HPSE2: variants seen among roughly 807,000 people sequenced by gnomAD.
HPSE2 encodes inactive heparanase-2.
HPSE2 carries 38 observed loss-of-function variants against 60.5 expected under a neutral mutation model. That is an observed-to-expected ratio of 0.63 (90% confidence interval 0.48 to 0.82). The LOEUF (loss-of-function observed/expected upper bound fraction) is 0.82, where lower values mean the gene tolerates loss of function less well. Ranked by LOEUF, HPSE2 falls within the 40% of genes least tolerant of loss-of-function variation. The probability of loss-of-function intolerance (pLI) is 0.00; values close to 1 mark genes in which losing one functional copy is unlikely to be tolerated. For missense variants in HPSE2, 713 were observed against 740.4 expected (o/e 0.96, Z 0.43); for synonymous variants, 295 against 293.2 (o/e 1.01, Z -0.06).
intron 9 of HPSE2, among the ~76,000 whole-genome samples, chr10:98,510,918 T>A (rs1942368327): frequency 6.6e-6 from 1 of 152,332 alleles, no homozygotes; most frequent in Non-Finnish European, 1.5e-5. Flanking sequence ...TTATTTTTTA[T>A]AGCTGGAGGA....
At chr10:99,130,038 A>T (rs931731204) in intron 3 of HPSE2, among the ~76,000 whole-genome samples, 1 of 152,134 alleles carries the variant, frequency 6.6e-6, no homozygotes. Context: ...CAGGACATGG[A>T]TAAATTCCTG....
intron 3 of HPSE2, among the ~76,000 whole-genome samples, chr10:99,142,200 C>A (rs1845888751): frequency 6.6e-6 from 1 of 152,168 alleles, no homozygotes; most frequent in Non-Finnish European, 1.5e-5. Flanking sequence ...CCTCACCCTC[C>A]TTACCAATAT....
At chr10:98,753,440 T>C (rs1949805867) in intron 3 of HPSE2, among the ~76,000 whole-genome samples, 1 of 152,174 alleles carries the variant, frequency 6.6e-6, no homozygotes, top group Non-Finnish European at 1.5e-5. Context: ...AAAAGGATAC[T>C]TGTACATCAA....
At chr10:98,751,463 A>G (rs1218998017) in intron 3 of HPSE2, among the ~76,000 whole-genome samples, 1 of 152,112 alleles carries the variant, frequency 6.6e-6, no homozygotes. Context: ...TAACTCTAAT[A>G]CCCCTTTGTG....
the HPSE2 span, among the ~76,000 whole-genome samples, chr10:99,262,219 A>G: frequency 2.0e-4 from 31 of 152,070 alleles, no homozygotes; most frequent in Non-Finnish European, 5.9e-5. Flanking sequence ...CCTTGCCTCC[A>G]TAACTGTTGT....
intron 6 of HPSE2, among the ~76,000 whole-genome samples, chr10:98,679,888 T>C (rs1245200490): frequency 6.6e-6 from 1 of 152,032 alleles, no homozygotes; most frequent in East Asian, 1.9e-4. Flanking sequence ...AAAGATGGGC[T>C]ACTCTCAAAC....
chr10:98,879,729 G>T (rs1226705990), intron 3 of HPSE2, among the ~76,000 whole-genome samples: 1 of 151,994 alleles, frequency 6.6e-6, no homozygotes, highest in Non-Finnish European at 1.5e-5. Context: ...GATTGAGCTT[G>T]TCCCTAAATT....
At chr10:98,826,979 C>T (rs868582101) in intron 3 of HPSE2, among the ~76,000 whole-genome samples, 11 of 151,902 alleles carry the variant, frequency 7.2e-5, no homozygotes, top group African/African-American at 2.4e-4. Context: ...AAGACCTCAT[C>T]ACTACAAAAT....
At chr10:99,066,424 G>A (rs1196534582) in intron 3 of HPSE2, among the ~76,000 whole-genome samples, 1 of 152,146 alleles carries the variant, frequency 6.6e-6, no homozygotes, top group Non-Finnish European at 1.5e-5. Flanking sequence ...AAAGATTAGA[G>A]TTGTATTAGT....
intron 3 of HPSE2, among the ~76,000 whole-genome samples, chr10:98,936,014 A>T (rs1290798686): frequency 6.9e-6 from 1 of 144,508 alleles, no homozygotes; most frequent in Non-Finnish European, 1.5e-5. Context: ...GTGAGGGGGT[A>T]TCTAGAGAAG....
intron 6 of HPSE2, among the ~76,000 whole-genome samples, chr10:98,647,200 C>G (rs1328420928): frequency 6.6e-6 from 1 of 152,138 alleles, no homozygotes; most frequent in Non-Finnish European, 1.5e-5. Flanking sequence ...ACCCCATTCC[C>G]GTCCCACTGA....
chr10:98,476,836 G>A (rs1941043948), intron 11 of HPSE2, among the ~76,000 whole-genome samples: 3 of 152,106 alleles, frequency 2.0e-5, no homozygotes, highest in African/African-American at 7.2e-5. Flanking sequence ...GTGAAGAAAA[G>A]TTAATGAAAC....
chr10:98,913,209 G>C (rs1251297483), intron 3 of HPSE2, among the ~76,000 whole-genome samples: 1 of 152,072 alleles, frequency 6.6e-6, no homozygotes, highest in Non-Finnish European at 1.5e-5. Context: ...TATCTAATTA[G>C]CAACAACATC....
chr10:98,994,254 G>A (rs1956593878), intron 3 of HPSE2, among the ~76,000 whole-genome samples: 1 of 152,156 alleles, frequency 6.6e-6, no homozygotes, highest in African/African-American at 2.4e-5. Context: ...GAAGCTGTGG[G>A]GACTGTAATC....
At chr10:98,794,359 G>A (rs1473851681) in intron 3 of HPSE2, among the ~76,000 whole-genome samples, 2 of 151,514 alleles carry the variant, frequency 1.3e-5, no homozygotes, top group East Asian at 2.0e-4. Flanking sequence ...TTCTCATGCC[G>A]CAGCCTCCTG....
chr10:98,968,089 T>C (rs1955859224), intron 3 of HPSE2, among the ~76,000 whole-genome samples: 1 of 152,122 alleles, frequency 6.6e-6, no homozygotes, highest in South Asian at 2.1e-4. Flanking sequence ...AATACTAACC[T>C]ATAAGAGAAA....
chr10:98,831,889 C>G (rs1951691734), intron 3 of HPSE2, among the ~76,000 whole-genome samples: 1 of 152,234 alleles, frequency 6.6e-6, no homozygotes, highest in Non-Finnish European at 1.5e-5. Flanking sequence ...AATAGACTTT[C>G]AACCGATCTT....
chr10:98,666,096 C>A (rs1947355478), intron 6 of HPSE2, among the ~76,000 whole-genome samples: 1 of 152,100 alleles, frequency 6.6e-6, no homozygotes, highest in East Asian at 1.9e-4. Context: ...AAAGATCTAA[C>A]ATGCAAACAG....
At chr10:99,258,547 T>G in the HPSE2 span, among the ~76,000 whole-genome samples, 1 of 152,126 alleles carries the variant, frequency 6.6e-6, no homozygotes, top group Admixed American at 6.5e-5. Flanking sequence ...AAAATGCAGA[T>G]GAAAATACAA....
Sources: gnomAD v4.1 joint callset for allele counts (sites outside exome capture counted in the v4.1 genomes callset) on GRCh38, gnomAD v4.1.1 for gene constraint, MANE v1.5 for transcripts, NCBI Gene and HGNC (gene_info 2026-07-23, HGNC 2026-07-21) for gene names.